The following DST variants were observed in gnomAD, a reference collection of about 807,000 sequenced individuals.
DST encodes the protein dystonin.
DST carries 253 observed loss-of-function variants against 875.2 expected under a neutral mutation model. The observed-to-expected ratio is 0.29, with a 90% confidence interval of 0.26 to 0.32. The LOEUF is 0.32. Among genes scored for constraint, DST ranks in the 10% least tolerant of loss-of-function variants. The pLI, the probability that DST is intolerant of heterozygous loss-of-function variation, is 1.00. For synonymous variants in DST, 3,124 were observed against 3,197.1 expected, an observed-to-expected ratio of 0.98 and a Z score of 0.77; for missense variants, 8,287 against 9,111.6, an observed-to-expected ratio of 0.91 and a Z score of 3.68.
Position 56,602,966 on chromosome 6 carries a change from T to C in DST, c.11223A>G (p.Ser3741=), listed in dbSNP as rs368431299. 2.5e-5 allele frequency: 40 copies of C among 1,596,350 alleles called. 1 individual carries two copies. The highest frequency in any genetic ancestry group is 3.4e-5 in the Non-Finnish European group (40 of 1,174,204). Residue 3741 remains serine (S), a synonymous_variant, in exon 43 of 104, where the codon TCA becomes TCG. Coordinates refer to ENST00000680361, the MANE Select transcript of DST (RefSeq NM_001374736.1). ...HKLKSFSDWV[S]EKSKSVKDIE... is the part of the protein sequence containing the mutation. ...TATCCTTCACAGATTTGCTCTTCTC[T>C]GATACCCAATCTGAGAATGACTTAA...
chr6:56,540,066 A>G (rs891988334), intron 61 of DST, among the ~76,000 whole-genome samples: 1 of 152,228 alleles, frequency 6.6e-6, no homozygotes, highest in South Asian at 2.1e-4. Context: ...AGCTGGGAAT[A>G]TCAATTCTTC....
At chr6:56,690,472 G>C (rs927302769) in intron 9 of DST, among the ~76,000 whole-genome samples, 6 of 152,144 alleles carry the variant, frequency 3.9e-5, no homozygotes. Context: ...GCATGTCATT[G>C]CAACGACTCA....
In DST at chr6:56,691,710, A is replaced by AGCTAAATTCC. The variant is rs557432245; in HGVS notation, c.1047+7942_1047+7943insGGAATTTAGC. Among the ~76,000 whole-genome samples, 89 of 152,298 alleles carry AGCTAAATTCC rather than the reference A, an allele frequency of 5.8e-4. 5 individuals are homozygous for AGCTAAATTCC. In the South Asian group the frequency reaches 0.018, roughly 31 times the overall value. ...AGATAAGTAACTTGTCTAAAGCTAA[A>AGCTAAATTCC]TATCAGTGTTAGGAATAAAGATCTC... On this transcript the variant is annotated intron_variant, in intron 9 of 103. Transcript: ENST00000680361.
intron 42 of DST, 24 bp from the exon 43 acceptor site, chr6:56,603,055 A>C: frequency 6.4e-7 from 1 of 1,554,064 alleles, no homozygotes; most frequent in Non-Finnish European, 8.6e-7. Context: ...TTGTGCATTC[A>C]GTTATCTTTC....
In DST at chr6:56,645,907, G is replaced by A; in HGVS notation, c.1737C>T (p.Ala579=). The A allele has an allele frequency of 1.2e-6, 2 of 1,613,760 alleles. No individual in the cohort carries two copies. Among genetic ancestry groups the A allele is most frequent in the East Asian group, 2.2e-5 (1 of 44,870 alleles). Residue 579 remains alanine, a synonymous_variant, in exon 15 of 104, where the codon GCC becomes GCT. Coordinates refer to ENST00000680361, the MANE Select transcript of DST (RefSeq NM_001374736.1). ...GAAGGGCCTTCTCTCTCTCTAGCAT[G>A]GCAATAATGAGTTTCCCCCACTCTT... ...IEKEWGKLII[A]MLEREKALRP...
At chr6:56,885,631 C>T (rs1784376554) in intron 3 of DST, among the ~76,000 whole-genome samples, 1 of 152,004 alleles carries the variant, frequency 6.6e-6, no homozygotes, top group African/African-American at 2.4e-5. Context: ...AATGCCACTA[C>T]AAAAAAGGCT....
chr6:56,801,025 G>GAAAAAAAAAAAAAAAAAAAAAAAAAAAAA (rs34514599), intron 4 of DST, among the ~76,000 whole-genome samples: 1 of 66,966 alleles, frequency 1.5e-5, no homozygotes. Flanking sequence ...GTCTCAGGGA[G>GAAAAAAAAAAAAAAAAAAAAAAAAAAAAA]AAAAAAAAAA....
At chr6:56,723,133 TC>T (rs2099428807) in intron 5 of DST, among the ~76,000 whole-genome samples, 1 of 152,264 alleles carries the variant, frequency 6.6e-6, no homozygotes, top group African/African-American at 2.4e-5. Flanking sequence ...TTTATATCAT[TC>T]TGGGGGGCTG....
intron 100 of DST, 152 bp from the exon 101 acceptor site, chr6:56,463,916 AC>A (rs1431392629): frequency 1.2e-6 from 1 of 836,322 alleles, no homozygotes; most frequent in Non-Finnish European, 2.1e-6. Flanking sequence ...ACTCAGCATA[AC>A]AAAAAGTTAA....
intron 75 of DST, among the ~76,000 whole-genome samples, chr6:56,508,230 C>A (rs752539082): frequency 6.6e-6 from 1 of 152,104 alleles, no homozygotes; most frequent in African/African-American, 2.4e-5. Context: ...GACAGGGTTT[C>A]GTCATGTTGG....
At chr6:56,811,371 G>A (rs1012360473) in intron 4 of DST, among the ~76,000 whole-genome samples, 6 of 152,014 alleles carry the variant, frequency 3.9e-5, no homozygotes, top group African/African-American at 1.5e-4. Context: ...CTACCAGAAG[G>A]AAATGGGCCA....
At chr6:56,469,827 TAC>T in intron 97 of DST, 54 bp downstream of exon 97, 1 of 1,432,616 alleles carries the variant, frequency 7.0e-7, no homozygotes, top group Non-Finnish European at 9.8e-7. Context: ...TCAAATTGTA[TAC>T]AGATTTCAAT....
rs1003337372 is a variant in DST at position 56,758,119 on chromosome 6, T to C, written c.626-22830A>G. 2.0e-5 allele frequency among the ~76,000 whole-genome samples: 3 copies of C among 152,308 alleles called. 1 individual carries two copies. Among genetic ancestry groups the C allele is most frequent in the Non-Finnish European group, 4.4e-5 (3 of 68,022 alleles). On this transcript the variant is annotated intron_variant, in intron 4 of 103. Coordinates refer to ENST00000680361, the MANE Select transcript of DST (RefSeq NM_001374736.1). ...TAGCAGAAACTTTTCCCCATATCCTTGTATCCTTCTTTCTCAAAGAAACAA... is the reference window on the plus strand; with the variant it reads ...TAGCAGAAACTTTTCCCCATATCCTCGTATCCTTCTTTCTCAAAGAAACAA...
chr6:56,849,179 C>G (rs1165948171), intron 4 of DST, among the ~76,000 whole-genome samples: 2 of 133,820 alleles, frequency 1.5e-5, no homozygotes, highest in Non-Finnish European at 3.1e-5. Context: ...GCTCTGTTGC[C>G]AGGCTGGAGT....
intron 2 of DST, among the ~76,000 whole-genome samples, chr6:56,948,889 T>C (rs189828018): frequency 7.7e-4 from 117 of 152,364 alleles, no homozygotes; most frequent in African/African-American, 2.4e-3. Context: ...TTGTATGTAG[T>C]AGATACTTGG....
chr6:56,642,345 T>C, intron 16 of DST, 65 bp downstream of exon 16: 1 of 1,173,344 alleles, frequency 8.5e-7, no homozygotes, highest in African/African-American at 1.5e-5. Flanking sequence ...TGTAAAAGTT[T>C]TAGTTCATCC....
intron 69 of DST, among the ~76,000 whole-genome samples, chr6:56,524,348 A>G (rs764550849): frequency 1.1e-4 from 16 of 152,128 alleles, no homozygotes; most frequent in Non-Finnish European, 2.1e-4. Flanking sequence ...TTACAGCTGG[A>G]AATATTTTCA....
At chr6:56,489,350 T>C (rs924817604) in intron 86 of DST, 140 bp downstream of exon 86, 7 of 720,288 alleles carry the variant, frequency 9.7e-6, no homozygotes, top group Non-Finnish European at 1.2e-5. Context: ...TGAAGAGCAA[T>C]AGCTTTTAAA....
At chr6:56,634,440 T>G in intron 26 of DST, 22 bp downstream of exon 26, 1 of 1,612,946 alleles carries the variant, frequency 6.2e-7, no homozygotes, top group Non-Finnish European at 8.5e-7. Flanking sequence ...TAGCTCAACA[T>G]TTTTAGCTAA....
Sources: allele counts gnomAD v4.1 joint callset (sites outside exome capture counted in the v4.1 genomes callset), GRCh38; gene constraint gnomAD v4.1.1; transcripts MANE v1.5; gene names NCBI Gene and HGNC (gene_info 2026-07-23, HGNC 2026-07-21).